Variants in TRAF3IP1 observed in about 807,000 individuals in gnomAD.
TRAF3IP1 encodes TRAF3-interacting protein 1.
A neutral mutation model predicts 89.9 loss-of-function variants in TRAF3IP1; 53 were observed. The observed-to-expected ratio is 0.59, with a 90% CI of 0.47 to 0.74. The LOEUF (loss-of-function observed/expected upper bound fraction) is 0.74, where lower values mean the gene tolerates loss of function less well. TRAF3IP1 is among the 30% of genes least tolerant of loss of function. The probability of loss-of-function intolerance (pLI) is 0.00; values close to 1 mark genes in which losing one functional copy is unlikely to be tolerated. For synonymous variants in TRAF3IP1, 311 were observed against 322.1 expected (o/e 0.97, Z 0.37); for missense variants, 806 against 866.1 (o/e 0.93, Z 0.87).
rs199567137 is a variant in TRAF3IP1 at position 238,348,857 on chromosome 2, G to T, written c.1367+9G>T. The T allele has an allele frequency of 3.0e-5, 49 of 1,612,954 alleles. No homozygotes were observed. Among genetic ancestry groups the T allele is most frequent in the Non-Finnish European group, 4.1e-5 (48 of 1,179,124 alleles). On this transcript the variant is annotated intron_variant, in intron 11 of 16. Coordinates refer to ENST00000373327, the MANE Select transcript of TRAF3IP1 (RefSeq NM_015650.4). The stretch of plus-strand genomic sequence containing the variant: ...CTTTCATCCAACATCAGGTCTGTGT[G>T]CTTTGAATCCCTTTCCCTCAGCAGA...
At chr2:238,394,949 A>G (rs1257233660) in intron 15 of TRAF3IP1, among the ~76,000 whole-genome samples, 1 of 152,206 alleles carries the variant, frequency 6.6e-6, no homozygotes, top group Non-Finnish European at 1.5e-5. Flanking sequence ...ATACGTTCAA[A>G]TTAAATAAGT....
At chr2:238,385,440 T>G (rs1243733814) in intron 15 of TRAF3IP1, among the ~76,000 whole-genome samples, 5 of 152,232 alleles carry the variant, frequency 3.3e-5, no homozygotes, top group Admixed American at 3.3e-4. Flanking sequence ...AAATTCAATA[T>G]CCATTATACT....
rs548105043 is a variant in TRAF3IP1, at chr2:238,398,660, T to C, written c.1911-94T>C. 6.1e-6 allele frequency: 8 copies of C among 1,313,428 alleles called. No homozygotes were observed. The Admixed American group carries it at 1.6e-4, about 27-fold the overall frequency. 81.4% of individuals were successfully genotyped at this position (1,313,428 alleles called of 1,614,324 possible). On this transcript the variant is annotated intron_variant, in intron 16 of 16. Coordinates refer to ENST00000373327, the MANE Select transcript of TRAF3IP1 (RefSeq NM_015650.4). Reference sequence around the variant, plus strand: ...TATCCTTTTCTTTGGATGAAACGAATAATTTACTTCTGTTGTCTTTCAATG... The same window carrying C: ...TATCCTTTTCTTTGGATGAAACGAACAATTTACTTCTGTTGTCTTTCAATG...
chr2:238,349,336 G>C lies in TRAF3IP1; in HGVS notation c.1379G>C (p.Arg460Pro). The C allele has an allele frequency of 6.2e-7, 1 of 1,614,030 alleles. No homozygotes were observed. Among genetic ancestry groups the C allele is most frequent in the Non-Finnish European group, 8.5e-7 (1 of 1,180,008 alleles). The change falls in exon 12 of 17, where the codon CGG (arginine) becomes CCG (proline). Residue 460 changes from arginine (R) to proline (P), a missense_variant. By Grantham distance (103) the Arg-to-Pro change is moderately radical (BLOSUM62 -2). Transcript: ENST00000373327. ...ATATTTGGGTTTAGAAGAATTCCTC[G>C]GCCTGGGAGTGCAAGACCAGCCCCT... Reference protein sequence around the residue: ...ELSSNIRRIPRPGSARPAPPR... With the variant: ...ELSSNIRRIPPPGSARPAPPR...
chr2:238,386,820 AGCTCACTTACGCTG>A (rs1014932308), intron 15 of TRAF3IP1, among the ~76,000 whole-genome samples: 119 of 152,312 alleles, frequency 7.8e-4, no homozygotes, highest in African/African-American at 2.7e-3. Context: ...GCTCATGCCA[AGCTCACTTACGCTG>A]GCTTAACACA....
chr2:238,395,050 G>A (rs959860704), intron 15 of TRAF3IP1, among the ~76,000 whole-genome samples: 1 of 152,140 alleles, frequency 6.6e-6, no homozygotes, highest in African/African-American at 2.4e-5. Flanking sequence ...TGGGTGGGGG[G>A]GTGTCCAGGG....
chr2:238,359,720 A>G (rs1280090236), intron 15 of TRAF3IP1, among the ~76,000 whole-genome samples: 1 of 152,136 alleles, frequency 6.6e-6, no homozygotes, highest in Admixed American at 6.5e-5. Context: ...AGATACTTTC[A>G]TTATGTTGTA....
rs555612719 is a variant in TRAF3IP1 at position 238,323,785 on chromosome 2, C to T, written c.124-1521C>T. Among the ~76,000 whole-genome samples, 37 of 152,330 alleles carry T rather than the reference C, an allele frequency of 2.4e-4. No individual in the cohort carries two copies. The South Asian group carries it at 6.8e-3, about 28-fold the overall frequency. ...GTTGCTACAAATTGTATTGATTTTA[C>T]AGTAACCTACCACATTTCAAAAAAC... is the stretch of plus-strand genomic sequence containing the variant. On this transcript the variant is annotated intron_variant, in intron 1 of 16. Coordinates refer to ENST00000373327, the MANE Select transcript of TRAF3IP1 (RefSeq NM_015650.4).
At chr2:238,397,415 G>T in intron 15 of TRAF3IP1, 44 bp from the exon 16 acceptor site, 1 of 1,587,396 alleles carries the variant, frequency 6.3e-7, no homozygotes, top group South Asian at 1.1e-5. Flanking sequence ...TCTGCCTTTG[G>T]ACTGAGGAGG....
intron 8 of TRAF3IP1, among the ~76,000 whole-genome samples, chr2:238,340,810 T>C (rs1698605498): frequency 9.5e-6 from 1 of 105,264 alleles, no homozygotes; most frequent in South Asian, 3.1e-4. Flanking sequence ...TGTACAGTTA[T>C]GCGTGTGTGT....
rs144192565 is a variant in TRAF3IP1 at position 238,355,717 on chromosome 2, A to G, written c.1613-287A>G. ...GCTATATTTTTGGATGTCAATCTAC[A>G]CTCCTTCTTAATCTTTGAAAATAGA... On this transcript the variant is annotated intron_variant, in intron 14 of 16. Coordinates refer to ENST00000373327, the MANE Select transcript of TRAF3IP1 (RefSeq NM_015650.4). 1.2e-4 allele frequency among the ~76,000 whole-genome samples: 18 copies of G among 152,172 alleles called. No homozygotes were observed. The East Asian group carries it at 2.5e-3, about 21-fold the overall frequency.
chr2:238,392,173 T>C (rs1458012694), intron 15 of TRAF3IP1, among the ~76,000 whole-genome samples: 4 of 152,150 alleles, frequency 2.6e-5, no homozygotes, highest in African/African-American at 9.7e-5. Flanking sequence ...GAGTTTGCGT[T>C]CAGCCTGGGC....
intron 14 of TRAF3IP1, among the ~76,000 whole-genome samples, chr2:238,354,588 TAAC>T (rs1160520632): frequency 1.3e-5 from 2 of 152,196 alleles, no homozygotes; most frequent in Non-Finnish European, 2.9e-5. Context: ...GACTGGTTTT[TAAC>T]AACAATAGGA....
chr2:238,394,423 T>A (rs71426524), intron 15 of TRAF3IP1, among the ~76,000 whole-genome samples: 1 of 152,198 alleles, frequency 6.6e-6, no homozygotes, highest in African/African-American at 2.4e-5. Context: ...ATGGACACAG[T>A]GTGTCTTCTC....
chr2:238,344,562 G>A lies in TRAF3IP1; in HGVS notation c.1225G>A (p.Glu409Lys), dbSNP rs1214154573. 1.4e-5 allele frequency: 23 copies of A among 1,614,226 alleles called. No individual in the cohort carries two copies. Among genetic ancestry groups the A allele is most frequent in the Non-Finnish European group, 1.9e-5 (23 of 1,180,028 alleles). Residue 409 changes from glutamate to lysine, a missense_variant, in exon 9 of 17, where the codon GAG becomes AAG. Transcript: ENST00000373327. ...TGATAATTCAGCTAGTCTGCGGTGT[G>A]AGAATATTCAGCCCAACCCCACAGA... ...SDDNSASLRC[E>K]NIQPNPTEKQ...
chr2:238,332,676 T>A (rs955822286), intron 5 of TRAF3IP1, 148 bp from the exon 6 acceptor site: 10 of 618,988 alleles, frequency 1.6e-5, no homozygotes, highest in African/African-American at 7.4e-5. Context: ...GTAACAATTG[T>A]GGCGATCAGA....
In TRAF3IP1 at chr2:238,367,163, CAAAAAAAAAAAAA is replaced by C. The variant is rs33964253; in HGVS notation, c.1689+11097_1689+11109del. Among the ~76,000 whole-genome samples the C allele has an allele frequency of 3.0e-4, 11 of 36,146 alleles. 1 individual carries two copies. The highest frequency in any genetic ancestry group is 1.4e-3 in the African/African-American group (10 of 7,360). The allele number at this position is 36,146 out of a possible 152,430, so 23.7% of individuals were successfully genotyped here. A position where few individuals can be genotyped will look rare whatever the true frequency, so the allele number is the denominator to read the frequency against. On this transcript the variant is annotated intron_variant, in intron 15 of 16. Coordinates refer to ENST00000373327, the MANE Select transcript of TRAF3IP1 (RefSeq NM_015650.4). Reference sequence around the variant, plus strand: ...TGGGTGACAAAGCAAGACTCTGTCTCAAAAAAAAAAAAAAAAAAAAAAAAAAGAAAATTAGTGG... The same window carrying C: ...TGGGTGACAAAGCAAGACTCTGTCTCAAAAAAAAAAAAAGAAAATTAGTGG...
In TRAF3IP1 at chr2:238,344,526, A is replaced by G. The variant is rs1698801415; in HGVS notation, c.1189A>G (p.Ser397Gly). The change falls in exon 9 of 17, where the codon AGT (serine) becomes GGT (glycine). Residue 397 changes from serine to glycine, a missense_variant. Physicochemically the swap from Ser to Gly is moderately conservative, Grantham distance 56. Around this residue, in one of 3 missense-constraint regions of TRAF3IP1, gnomAD observed 732 missense variants for 780.5 expected, o/e 0.94. Transcript: ENST00000373327. The stretch of plus-strand genomic sequence containing the variant: ...AAAAGAAGCTAATATTAACTCAACT[A>G]GTATTTCAGATGATAATTCAGCTAG... ...GTKEANINSTSISDDNSASLR... is the reference protein window; with the variant it reads ...GTKEANINSTGISDDNSASLR... 1.9e-6 allele frequency: 3 copies of G among 1,614,030 alleles called. No individual in the cohort carries two copies. The East Asian group carries it at 6.7e-5, about 36-fold the overall frequency.
chr2:238,362,910 G>A (rs1559378752), intron 15 of TRAF3IP1, among the ~76,000 whole-genome samples: 2 of 152,202 alleles, frequency 1.3e-5, no homozygotes, highest in Admixed American at 6.5e-5. Context: ...TTGCCAAAGC[G>A]GAGATCAGAA....
Sources: gnomAD v4.1 joint callset for allele counts (sites outside exome capture counted in the v4.1 genomes callset) on GRCh38, gnomAD v4.1.1 for gene constraint, gnomAD v4.1.1 regional missense constraint, MANE v1.5 for transcripts, NCBI Gene and HGNC (gene_info 2026-07-23, HGNC 2026-07-21) for gene names.